The following SETBP1 variants were observed in gnomAD, a reference collection of about 807,000 sequenced individuals.
SETBP1 encodes the protein SET-binding protein.
Under a neutral mutation model 101.0 loss-of-function variants are expected in SETBP1, and 9 were observed. The ratio of observed to expected loss-of-function variants is 0.09; its 90% CI spans 0.05 to 0.16. SETBP1 has a LOEUF of 0.16. Among genes scored for constraint, SETBP1 ranks in the 10% least tolerant of loss-of-function variants. SETBP1 has a pLI of 1.00. For missense variants in SETBP1, 1,858 were observed against 2,033.8 expected (o/e 0.91, Z 1.66); for synonymous variants, 818 against 788.5 (o/e 1.04, Z -0.63).
chr18:44,918,261 A>G (rs902135072), intron 3 of SETBP1, among the ~76,000 whole-genome samples: 2 of 152,184 alleles, frequency 1.3e-5, no homozygotes, highest in Admixed American at 1.3e-4. Flanking sequence ...CTTTCTGGCA[A>G]CATGCACTTA....
At chr18:44,787,087 A>T (rs1555681081) in intron 2 of SETBP1, among the ~76,000 whole-genome samples, 1 of 152,218 alleles carries the variant, frequency 6.6e-6, no homozygotes, top group Non-Finnish European at 1.5e-5. Flanking sequence ...GTGTAGTAAC[A>T]TAGAAGGGAC....
chr18:44,950,425 T>C lies in SETBP1; in HGVS notation c.1085T>C (p.Phe362Ser). ...LDWVKNAQKA[F>S]DNTEGKREGY... Reference sequence around the variant, plus strand: ...TGGGTCAAGAATGCCCAGAAAGCATTTGACAATACAGAAGGGAAAAGGGAA... The same window carrying C: ...TGGGTCAAGAATGCCCAGAAAGCATCTGACAATACAGAAGGGAAAAGGGAA... Residue 362 changes from phenylalanine to serine, a missense_variant, in exon 4 of 6, where the codon TTT becomes TCT. This residue lies in a region of SETBP1 where 581 missense variants were observed against 535.1 expected (regional missense o/e 1.09). Transcript: ENST00000649279. 6.2e-7 allele frequency: 1 copy of C among 1,614,072 alleles called. No individual in the cohort carries two copies. Among genetic ancestry groups the C allele is most frequent in the South Asian group, 1.1e-5 (1 of 91,078 alleles).
At chr18:45,000,905 G>A (rs1414872645) in intron 4 of SETBP1, among the ~76,000 whole-genome samples, 1 of 151,964 alleles carries the variant, frequency 6.6e-6, no homozygotes, top group Non-Finnish European at 1.5e-5. Flanking sequence ...TACGAAGACA[G>A]CCTAAGCAAT....
intron 2 of SETBP1, among the ~76,000 whole-genome samples, chr18:44,790,890 G>A (rs1379946094): frequency 6.6e-6 from 1 of 152,134 alleles, no homozygotes; most frequent in Non-Finnish European, 1.5e-5. Flanking sequence ...CACCCTGAAC[G>A]AACACAAAAC....
chr18:45,012,185 C>A (rs1310549919), intron 4 of SETBP1, among the ~76,000 whole-genome samples: 1 of 152,128 alleles, frequency 6.6e-6, no homozygotes, highest in Non-Finnish European at 1.5e-5. Context: ...TTTATACTCA[C>A]AGTATTCCTG....
chr18:44,816,892 C>T (rs2071990715), intron 2 of SETBP1, among the ~76,000 whole-genome samples: 1 of 152,210 alleles, frequency 6.6e-6, no homozygotes, highest in South Asian at 2.1e-4. Flanking sequence ...GTGTGTCTTA[C>T]TCTGAGTTGA....
At chr18:44,823,819 C>T (rs1193239172) in intron 2 of SETBP1, among the ~76,000 whole-genome samples, 3 of 152,302 alleles carry the variant, frequency 2.0e-5, no homozygotes, top group Admixed American at 6.5e-5. Flanking sequence ...TCCTTTCATT[C>T]CCACCCTCAT....
chr18:44,897,570 A>G (rs1427020227), intron 3 of SETBP1, among the ~76,000 whole-genome samples: 1 of 152,102 alleles, frequency 6.6e-6, no homozygotes, highest in Non-Finnish European at 1.5e-5. Context: ...ATCTTTTACC[A>G]GTTTATAGCA....
intron 3 of SETBP1, among the ~76,000 whole-genome samples, chr18:44,873,515 C>T (rs1329438440): frequency 2.0e-5 from 3 of 152,056 alleles, no homozygotes; most frequent in Non-Finnish European, 4.4e-5. Flanking sequence ...GAGGTCGTCC[C>T]GGCAGAGGTG....
intron 4 of SETBP1, among the ~76,000 whole-genome samples, chr18:44,984,446 C>T (rs2072184680): frequency 6.6e-6 from 1 of 152,190 alleles, no homozygotes; most frequent in Non-Finnish European, 1.5e-5. Context: ...GAATCTAATG[C>T]TGCTGTTGAT....
At position 45,063,792 on chromosome 18, in the gene SETBP1, C is replaced by T; in HGVS notation, c.*94C>T. 7.3e-7 allele frequency: 1 copy of T among 1,375,928 alleles called. No individual in the cohort carries two copies. Among genetic ancestry groups the T allele is most frequent in the South Asian group, 1.3e-5 (1 of 76,224 alleles). The allele number at this position is 1,375,928 out of a possible 1,614,324, so 85.2% of individuals were successfully genotyped here. ...GGGGCGGAATCCCCCGCTGCAGGGA[C>T]ACCCACGCCCTTCTCTCCAGAAGCC... is the stretch of plus-strand genomic sequence containing the variant. On this transcript the variant is annotated 3_prime_UTR_variant, in exon 6 of 6. Coordinates refer to ENST00000649279, the MANE Select transcript of SETBP1 (RefSeq NM_015559.3).
At chr18:44,752,924 A>C (rs969001686) in intron 2 of SETBP1, among the ~76,000 whole-genome samples, 5 of 152,200 alleles carry the variant, frequency 3.3e-5, no homozygotes, top group Admixed American at 2.0e-4. Flanking sequence ...CATTCTTCAA[A>C]TTCTCAAGAT....
At chr18:44,737,739 C>T (rs9304312) in intron 2 of SETBP1, among the ~76,000 whole-genome samples, 30,525 of 152,040 alleles carry the variant, frequency 0.2, 3,218 homozygotes, top group Non-Finnish European at 0.24. Flanking sequence ...AGTGAGTTTC[C>T]AATAGCTGGC....
At chr18:44,960,433 C>A (rs988399803) in intron 4 of SETBP1, among the ~76,000 whole-genome samples, 5 of 152,158 alleles carry the variant, frequency 3.3e-5, no homozygotes, top group African/African-American at 1.2e-4. Flanking sequence ...CTTCTGGGCT[C>A]AAGCAATCCT....
chr18:44,735,926 G>A (rs1218494482), intron 2 of SETBP1, among the ~76,000 whole-genome samples: 1 of 152,166 alleles, frequency 6.6e-6, no homozygotes, highest in Non-Finnish European at 1.5e-5. Context: ...AACATATACT[G>A]CTATCTTCAG....
intron 1 of SETBP1, among the ~76,000 whole-genome samples, chr18:44,698,385 C>A (rs532909479): frequency 2.6e-5 from 4 of 152,288 alleles, no homozygotes; most frequent in African/African-American, 7.2e-5. Flanking sequence ...AATCCAAACT[C>A]GTTAGCACAA....
intron 4 of SETBP1, among the ~76,000 whole-genome samples, chr18:45,001,044 C>G (rs915110525): frequency 8.5e-5 from 13 of 152,170 alleles, no homozygotes; most frequent in African/African-American, 3.1e-4. Context: ...ATTCATTCAT[C>G]CATTTGCTCA....
intron 4 of SETBP1, among the ~76,000 whole-genome samples, chr18:44,957,705 A>C (rs2071519920): frequency 6.6e-6 from 1 of 152,124 alleles, no homozygotes; most frequent in African/African-American, 2.4e-5. Context: ...CAAGCCAAAA[A>C]TAATACAAAA....
rs1276324628 is a variant in SETBP1, at chr18:44,950,166, C to G, written c.826C>G (p.Gln276Glu). The G allele has an allele frequency of 8.1e-6, 13 of 1,613,772 alleles. No homozygotes were observed. Among genetic ancestry groups the G allele is most frequent in the Non-Finnish European group, 1.0e-5 (12 of 1,180,058 alleles). The change falls in exon 4 of 6, where the codon CAG becomes GAG. Residue 276 changes from glutamine to glutamate, a missense_variant. Gln to Glu is a conservative substitution (Grantham distance 29). Transcript: ENST00000649279. ...AGGCAGTGCAGGGAACACGTGGAGT[C>G]AGTTGTCTAACAATAACAAAGATCT... Reference protein sequence around the residue: ...KKGSAGNTWSQLSNNNKDLLL... With the variant: ...KKGSAGNTWSELSNNNKDLLL...
Sources: allele counts gnomAD v4.1 joint callset (sites outside exome capture counted in the v4.1 genomes callset), GRCh38; gene constraint gnomAD v4.1.1; regional missense constraint gnomAD v4.1.1; transcripts MANE v1.5; gene names NCBI Gene and HGNC (gene_info 2026-07-23, HGNC 2026-07-21).